Variants in BCO1 observed in about 807,000 individuals in gnomAD.
The protein encoded by BCO1 is beta-carotene oxygenase 1, also known as beta,beta-carotene 15,15'-dioxygenase.
BCO1 carries 54 observed loss-of-function variants against 56.3 expected under a neutral mutation model. The ratio of observed to expected loss-of-function variants is 0.96; its 90% CI spans 0.77 to 1.20. The LOEUF is 1.20. Ranked by LOEUF, BCO1 falls within the 50% of genes most tolerant of loss-of-function variation. BCO1 has a pLI of 0.00. For missense variants in BCO1, 801 were observed against 690.9 expected (o/e 1.16, Z -1.79); for synonymous variants, 318 against 266.1 (o/e 1.20, Z -1.90).
Position 81,262,406 on chromosome 16 carries a change from T to G in BCO1, c.471+123T>G, listed in dbSNP as rs907527838. 4 of 1,026,608 alleles carry G rather than the reference T, an allele frequency of 3.9e-6. No individual in the cohort carries two copies. In the African/African-American group the frequency reaches 4.8e-5, roughly 12 times the overall value. The allele number at this position is 1,026,608 out of a possible 1,614,324, so 63.6% of individuals were successfully genotyped here. On this transcript the variant is annotated intron_variant, in intron 4 of 10. Coordinates refer to ENST00000258168, the MANE Select transcript of BCO1 (RefSeq NM_017429.3). ...AGGGGAGCCCCTCCTCTAACACCGTTGGATCCCGTGCCCTAGCGCCACACT... is the reference window on the plus strand; with the variant it reads ...AGGGGAGCCCCTCCTCTAACACCGTGGGATCCCGTGCCCTAGCGCCACACT...
At chr16:81,255,673 A>G (rs1906089274) in intron 2 of BCO1, among the ~76,000 whole-genome samples, 2 of 151,184 alleles carry the variant, frequency 1.3e-5, no homozygotes, top group African/African-American at 4.9e-5. Context: ...CACCCAGCTA[A>G]TTTTTGTATT....
intron 2 of BCO1, among the ~76,000 whole-genome samples, chr16:81,248,362 C>A (rs1032903223): frequency 7.5e-6 from 1 of 133,458 alleles, no homozygotes; most frequent in Non-Finnish European, 1.5e-5. Flanking sequence ...GAGATTGCAC[C>A]ATTGCACTCC....
chr16:81,286,021 T>TTTTTG (rs901041056), intron 9 of BCO1, among the ~76,000 whole-genome samples: 1 of 150,102 alleles, frequency 6.7e-6, no homozygotes, highest in African/African-American at 2.5e-5. Flanking sequence ...TTTGCTTCTT[T>TTTTTG]TTTTGTTTTG....
intron 2 of BCO1, 112 bp downstream of exon 2, chr16:81,245,715 C>T (rs995386308): frequency 4.4e-5 from 61 of 1,386,880 alleles, no homozygotes; most frequent in Non-Finnish European, 5.3e-5. Flanking sequence ...AAGTCTAAAT[C>T]GGGTCTCACT....
intron 2 of BCO1, among the ~76,000 whole-genome samples, chr16:81,255,496 T>A (rs571286340): frequency 1.3e-5 from 2 of 151,276 alleles, no homozygotes; most frequent in South Asian, 2.1e-4. Flanking sequence ...TTATGTTATT[T>A]TTTTTTATTT....
intron 1 of BCO1, among the ~76,000 whole-genome samples, chr16:81,240,686 G>C (rs1567695533): frequency 6.6e-6 from 1 of 151,890 alleles, no homozygotes; most frequent in Non-Finnish European, 1.5e-5. Flanking sequence ...GCCTTGGCAA[G>C]AGTGAGACCC....
At chr16:81,256,811 C>G (rs1906164425) in intron 2 of BCO1, among the ~76,000 whole-genome samples, 1 of 152,020 alleles carries the variant, frequency 6.6e-6, no homozygotes, top group East Asian at 1.9e-4. Flanking sequence ...TCGTTCGAAC[C>G]TGAGACGTGG....
rs1906951001 is a variant in BCO1 at position 81,268,138 on chromosome 16, T to C, written c.843+7T>C. On this transcript the variant is annotated splice_region_variant and intron_variant, in intron 6 of 10. Coordinates refer to ENST00000258168, the MANE Select transcript of BCO1 (RefSeq NM_017429.3). ...TTTCCACAGGGAGGAGAAGGTGAGGTCTGGCTGGACTCTAGCCCAGTGGGT... is the reference window on the plus strand; with the variant it reads ...TTTCCACAGGGAGGAGAAGGTGAGGCCTGGCTGGACTCTAGCCCAGTGGGT... 6.2e-7 allele frequency: 1 copy of C among 1,604,948 alleles called. No homozygotes were observed. The highest frequency in any genetic ancestry group is 8.5e-7 in the Non-Finnish European group (1 of 1,179,390).
chr16:81,254,159 C>A (rs768559618), intron 2 of BCO1, among the ~76,000 whole-genome samples: 5 of 152,028 alleles, frequency 3.3e-5, no homozygotes, highest in Non-Finnish European at 7.4e-5. Context: ...GATAGAGTCT[C>A]CCTCTGTCAC....
At position 81,284,819 on chromosome 16, in the gene BCO1, GTTTTC is replaced by G. The variant is rs937182102; in HGVS notation, c.1208-701_1208-697del. ...ATTTCTTTTCTTTTTGTTTTGTTTT[GTTTTC>G]TTTTCTTTTCTTTTCTTTTTTTTTT... On this transcript the variant is annotated intron_variant, in intron 8 of 10. Coordinates refer to ENST00000258168, the MANE Select transcript of BCO1 (RefSeq NM_017429.3). Among the ~76,000 whole-genome samples, 492 of 146,216 alleles carry G rather than the reference GTTTTC, an allele frequency of 3.4e-3. 2 individuals carry two copies. The highest frequency in any genetic ancestry group is 0.01 in the African/African-American group (400 of 39,874).
At chr16:81,251,868 A>C (rs1905821724) in intron 2 of BCO1, among the ~76,000 whole-genome samples, 1 of 133,492 alleles carries the variant, frequency 7.5e-6, no homozygotes, top group Admixed American at 7.4e-5. Flanking sequence ...ACACACACAC[A>C]CATATATGTG....
intron 2 of BCO1, among the ~76,000 whole-genome samples, chr16:81,251,796 C>T (rs1204939900): frequency 2.0e-5 from 3 of 151,470 alleles, no homozygotes. Flanking sequence ...CATTGTCCCA[C>T]CAGGATTTGA....
intron 5 of BCO1, among the ~76,000 whole-genome samples, chr16:81,265,887 C>T (rs116749997): frequency 1.0e-3 from 150 of 143,092 alleles, no homozygotes; most frequent in African/African-American, 3.3e-3. Context: ...ATCTACCATC[C>T]ATCCATCCAC....
intron 8 of BCO1, among the ~76,000 whole-genome samples, chr16:81,284,039 A>T (rs1241786270): frequency 6.6e-6 from 1 of 151,460 alleles, no homozygotes; most frequent in Non-Finnish European, 1.5e-5. Context: ...CAAAAAAAAA[A>T]AAAAGTAGCC....
At chr16:81,269,994 G>A (rs980296323) in intron 6 of BCO1, among the ~76,000 whole-genome samples, 165 bp from the exon 7 acceptor site, 2 of 152,154 alleles carry the variant, frequency 1.3e-5, no homozygotes, top group African/African-American at 4.8e-5. Flanking sequence ...TCATTTTGGG[G>A]GGCACTTTTG....
intron 2 of BCO1, among the ~76,000 whole-genome samples, chr16:81,257,316 G>C (rs528973471): frequency 8.5e-5 from 13 of 152,102 alleles, no homozygotes; most frequent in African/African-American, 3.1e-4. Flanking sequence ...CCAGGCTATA[G>C]GGCAGTGGCG....
chr16:81,272,997 T>A (rs1907330491), intron 7 of BCO1, among the ~76,000 whole-genome samples: 4 of 150,994 alleles, frequency 2.6e-5, no homozygotes. Flanking sequence ...GGGGATGGAG[T>A]CTTGTTGTGT....
chr16:81,254,276 G>A (rs1010616789), intron 2 of BCO1, among the ~76,000 whole-genome samples: 15 of 147,438 alleles, frequency 1.0e-4, no homozygotes, highest in Admixed American at 4.8e-4. Flanking sequence ...CTATGGGTGC[G>A]TGCCACCACG....
At chr16:81,267,859 G>C (rs542968301) in intron 5 of BCO1, 49 bp from the exon 6 acceptor site, 17 of 1,550,350 alleles carry the variant, frequency 1.1e-5, no homozygotes, top group Non-Finnish European at 1.5e-5. Context: ...GTCTTGGGGG[G>C]GCAGCCAGAT....
Sources: gnomAD v4.1 joint callset for allele counts (sites outside exome capture counted in the v4.1 genomes callset) on GRCh38, gnomAD v4.1.1 for gene constraint, MANE v1.5 for transcripts, NCBI Gene and HGNC (gene_info 2026-07-23, HGNC 2026-07-21) for gene names.